The following SH3RF3 variants were observed in gnomAD, a reference collection of about 807,000 sequenced individuals.
The protein encoded by SH3RF3 is E3 ubiquitin-protein ligase SH3RF3.
A neutral mutation model predicts 66.3 loss-of-function variants in SH3RF3; 29 were observed. The observed-to-expected ratio is 0.44, with a 90% CI of 0.33 to 0.60. SH3RF3 has a LOEUF of 0.60. SH3RF3 is among the 20% of genes least tolerant of loss of function. SH3RF3 has a pLI of 0.04. For synonymous variants in SH3RF3, 583 were observed against 532.0 expected (o/e 1.10, Z -1.32); for missense variants, 1,194 against 1,190.9 (o/e 1.00, Z -0.04).
At chr2:109,161,428 T>C (rs528903467) in intron 1 of SH3RF3, among the ~76,000 whole-genome samples, 8 of 152,122 alleles carry the variant, frequency 5.3e-5, no homozygotes, top group Non-Finnish European at 8.8e-5. Context: ...GGGAATGTGA[T>C]GCTTCCTGAT....
In SH3RF3 at chr2:109,457,457, A is replaced by G. The variant is rs565189686; in HGVS notation, c.2148+7968A>G. On this transcript the variant is annotated intron_variant, in intron 8 of 9. Coordinates refer to ENST00000309415, the MANE Select transcript of SH3RF3 (RefSeq NM_001099289.3). ...AGAAAATGAAAAGGATTTGTAAGTC[A>G]TGTGTAATAGTTGTGAGGGTTCTGC... Among the ~76,000 whole-genome samples, 5 of 152,378 alleles carry G rather than the reference A, an allele frequency of 3.3e-5. No homozygotes were observed. The South Asian group carries it at 1.0e-3, about 32-fold the overall frequency.
At chr2:109,256,050 C>G (rs1420329344) in intron 1 of SH3RF3, among the ~76,000 whole-genome samples, 1 of 152,178 alleles carries the variant, frequency 6.6e-6, no homozygotes, top group Non-Finnish European at 1.5e-5. Context: ...TTCCTCCTCA[C>G]AAATGTAAGC....
chr2:109,239,270 G>A (rs955264668), intron 1 of SH3RF3, among the ~76,000 whole-genome samples: 1 of 152,132 alleles, frequency 6.6e-6, no homozygotes, highest in African/African-American at 2.4e-5. Flanking sequence ...ACATGGATTT[G>A]TTTTCTTGGG....
At chr2:109,192,908 T>G (rs932594331) in intron 1 of SH3RF3, among the ~76,000 whole-genome samples, 18 of 152,346 alleles carry the variant, frequency 1.2e-4, no homozygotes, top group African/African-American at 3.8e-4. Context: ...TCCAGTGATA[T>G]GCCAGTTACT....
chr2:109,188,935 A>G (rs975274930), intron 1 of SH3RF3, among the ~76,000 whole-genome samples: 1 of 150,704 alleles, frequency 6.6e-6, no homozygotes, highest in Non-Finnish European at 1.5e-5. Flanking sequence ...TGTTTAATTA[A>G]AAAAAAAACC....
chr2:109,478,705 G>A (rs929039846), intron 8 of SH3RF3, among the ~76,000 whole-genome samples: 1 of 152,154 alleles, frequency 6.6e-6, no homozygotes, highest in Non-Finnish European at 1.5e-5. Context: ...GAGAGAGGGG[G>A]AGAGTCTGAG....
chr2:109,347,547 G>A lies in SH3RF3; in HGVS notation c.574-127G>A, dbSNP rs1682738362. On this transcript the variant is annotated intron_variant, in intron 1 of 9. Transcript: ENST00000309415. ...TTTCTTTAAAATATTTTCCACTTGC[G>A]GGGCACTCTGTATGCACCCCCAGGA... 5.5e-6 allele frequency: 7 copies of A among 1,277,280 alleles called. No individual in the cohort carries two copies. In the Admixed American group the frequency reaches 8.4e-5, roughly 15 times the overall value. 79.1% of individuals were successfully genotyped at this position (1,277,280 alleles called of 1,614,324 possible). A position where few individuals can be genotyped will look rare whatever the true frequency, so the allele number is the denominator to read the frequency against.
intron 1 of SH3RF3, among the ~76,000 whole-genome samples, chr2:109,298,494 T>C (rs147833118): frequency 2.6e-5 from 4 of 152,118 alleles, no homozygotes; most frequent in Non-Finnish European, 4.4e-5. Context: ...GGGTGGGGGA[T>C]GATTTAGGTC....
intron 1 of SH3RF3, among the ~76,000 whole-genome samples, chr2:109,327,984 C>G (rs1228751018): frequency 6.6e-6 from 1 of 152,368 alleles, no homozygotes; most frequent in South Asian, 2.1e-4. Context: ...GCATCAGCAG[C>G]TGTCAACATG....
chr2:109,272,412 C>T (rs1312164402), intron 1 of SH3RF3, among the ~76,000 whole-genome samples: 1 of 152,222 alleles, frequency 6.6e-6, no homozygotes, highest in Non-Finnish European at 1.5e-5. Flanking sequence ...AAGCACGAAG[C>T]CAGCTGTCTG....
intron 1 of SH3RF3, among the ~76,000 whole-genome samples, chr2:109,278,698 G>A (rs1226023595): frequency 3.3e-5 from 5 of 152,204 alleles, no homozygotes; most frequent in African/African-American, 1.2e-4. Context: ...CTTTGGACCA[G>A]CAGCTTCCAG....
At chr2:109,282,350 A>C (rs190531881) in intron 1 of SH3RF3, among the ~76,000 whole-genome samples, 12 of 152,220 alleles carry the variant, frequency 7.9e-5, no homozygotes, top group Admixed American at 7.8e-4. Flanking sequence ...AAAAAAATCT[A>C]CCCCAGGGGA....
chr2:109,229,968 G>A (rs1679465159), intron 1 of SH3RF3, among the ~76,000 whole-genome samples: 1 of 151,780 alleles, frequency 6.6e-6, no homozygotes, highest in African/African-American at 2.4e-5. Context: ...GGGACTACAG[G>A]CGCACGCCAG....
chr2:109,210,511 C>T (rs1678948175), intron 1 of SH3RF3, among the ~76,000 whole-genome samples: 1 of 152,306 alleles, frequency 6.6e-6, no homozygotes, highest in East Asian at 1.9e-4. Flanking sequence ...GCTGGAGTAA[C>T]ACCAACCAGA....
At chr2:109,500,002 T>A (rs1351599104) in intron 9 of SH3RF3, among the ~76,000 whole-genome samples, 1 of 151,764 alleles carries the variant, frequency 6.6e-6, no homozygotes, top group Non-Finnish European at 1.5e-5. Context: ...AAGTTACAGA[T>A]GGTGGAAGCG....
At chr2:109,325,665 G>C (rs1294947528) in intron 1 of SH3RF3, among the ~76,000 whole-genome samples, 2 of 152,304 alleles carry the variant, frequency 1.3e-5, no homozygotes, top group Middle Eastern at 3.4e-3. Flanking sequence ...CTGATCGCTA[G>C]AAGGTTCTTT....
rs564519661 is a variant in SH3RF3, at chr2:109,161,878, TG to T, written c.573+31770del. On this transcript the variant is annotated intron_variant, in intron 1 of 9. Transcript: ENST00000309415. ...GGGGATCACATTTTAATACAAGGTT[TG>T]GGGGACAAATATCCAAACTATAGCC... Among the ~76,000 whole-genome samples, 656 of 151,958 alleles carry T rather than the reference TG, an allele frequency of 4.3e-3. 3 individuals carry two copies. Among genetic ancestry groups the T allele is most frequent in the African/African-American group, 0.015 (629 of 41,418 alleles).
At chr2:109,353,686 T>C (rs1682885685) in intron 2 of SH3RF3, among the ~76,000 whole-genome samples, 1 of 151,708 alleles carries the variant, frequency 6.6e-6, no homozygotes, top group Admixed American at 6.6e-5. Context: ...AACCCTAGAC[T>C]GCGTGCCCAA....
At chr2:109,333,204 T>A (rs17035474) in intron 1 of SH3RF3, among the ~76,000 whole-genome samples, 17,933 of 152,268 alleles carry the variant, frequency 0.12, 1,256 homozygotes, top group East Asian at 0.25. Flanking sequence ...TGGACTTACC[T>A]GTATCTATCA....
Sources: gnomAD v4.1 joint callset for allele counts (sites outside exome capture counted in the v4.1 genomes callset) on GRCh38, gnomAD v4.1.1 for gene constraint, MANE v1.5 for transcripts, NCBI Gene and HGNC (gene_info 2026-07-23, HGNC 2026-07-21) for gene names.